ASXL1: variants seen among roughly 807,000 people sequenced by gnomAD.
ASXL1 encodes the protein ASXL transcriptional regulator 1.
ASXL1 carries 65 observed loss-of-function variants against 89.1 expected under a neutral mutation model. That is an observed-to-expected ratio of 0.73 (90% CI 0.60 to 0.90). The LOEUF (loss-of-function observed/expected upper bound fraction) is 0.90, where lower values mean the gene tolerates loss of function less well. Ranked by LOEUF, ASXL1 falls within the 40% of genes least tolerant of loss-of-function variation. The pLI is 0.00. For synonymous variants in ASXL1, 739 were observed against 746.9 expected, an observed-to-expected ratio of 0.99 and a Z score of 0.17; for missense variants, 1,786 against 1,942.9, an observed-to-expected ratio of 0.92 and a Z score of 1.52.
chr20:32,374,383 G>T (rs3903368), intron 4 of ASXL1, among the ~76,000 whole-genome samples: 30,926 of 151,898 alleles, frequency 0.2, 3,493 homozygotes, highest in African/African-American at 0.3. Flanking sequence ...AACCTTGAGC[G>T]CCTGGGCTTA....
chr20:32,438,064 G>A lies in ASXL1; in HGVS notation c.*726G>A, dbSNP rs1051967873. The A allele has an allele frequency of 1.7e-5, 4 of 233,474 alleles. No individual in the cohort carries two copies. The highest frequency in any genetic ancestry group is 2.5e-5 in the Non-Finnish European group (3 of 118,234). 14.5% of individuals were successfully genotyped at this position (233,474 alleles called of 1,614,324 possible). ...CATCTGTAGACCTTGTGAGTCAGCC[G>A]TCCAGATGTTTGCAGGTGAATTCCT... On this transcript the variant is annotated 3_prime_UTR_variant, in exon 13 of 13. Transcript: ENST00000375687.
chr20:32,379,564 G>A (rs1396060500), intron 4 of ASXL1, among the ~76,000 whole-genome samples: 5 of 151,430 alleles, frequency 3.3e-5, no homozygotes, highest in African/African-American at 1.2e-4. Flanking sequence ...GGTGGGTCAC[G>A]CCTGTAATCC....
At chr20:32,381,956 CTTTTT>C (rs11482197) in intron 4 of ASXL1, among the ~76,000 whole-genome samples, 1 of 113,698 alleles carries the variant, frequency 8.8e-6, no homozygotes, top group Non-Finnish European at 1.8e-5. Context: ...TTTTTCTTGC[CTTTTT>C]TTTTTTTTTT....
At chr20:32,377,034 T>C (rs908549783) in intron 4 of ASXL1, among the ~76,000 whole-genome samples, 3 of 139,944 alleles carry the variant, frequency 2.1e-5, no homozygotes, top group Non-Finnish European at 3.1e-5. Flanking sequence ...TCAGGTGATA[T>C]AATATACAAC....
chr20:32,388,796 C>T (rs2048622549), intron 4 of ASXL1, among the ~76,000 whole-genome samples: 1 of 151,840 alleles, frequency 6.6e-6, no homozygotes. Context: ...ATTATTCATT[C>T]TTTTTGGTAG....
Position 32,432,876 on chromosome 20 carries a change from C to T in ASXL1, c.980-4C>T. The T allele has an allele frequency of 2.5e-6, 4 of 1,613,604 alleles. No homozygotes were observed. Among genetic ancestry groups the T allele is most frequent in the East Asian group, 2.2e-5 (1 of 44,870 alleles). On this transcript the variant is annotated splice_polypyrimidine_tract_variant and splice_region_variant and intron_variant, in intron 10 of 12. Coordinates refer to ENST00000375687, the MANE Select transcript of ASXL1 (RefSeq NM_015338.6). ...CTTACTAGAAGAGGTTTATTTCTCC[C>T]TAGGTGAATTTACTCATGAGATGCA...
At position 32,367,038 on chromosome 20, in the gene ASXL1, A is replaced by G. The variant is rs534502821; in HGVS notation, c.140+572A>G. Among the ~76,000 whole-genome samples, 13 of 150,804 alleles carry G rather than the reference A, an allele frequency of 8.6e-5. No homozygotes were observed. The South Asian group carries it at 2.5e-3, about 29-fold the overall frequency. On this transcript the variant is annotated intron_variant, in intron 2 of 12. Transcript: ENST00000375687. Reference sequence around the variant, plus strand: ...ATTTGCAGGCTTGAAAGCCAGGACTATCTTTCATCTTTCTTTTTCCTCATC... The same window carrying G: ...ATTTGCAGGCTTGAAAGCCAGGACTGTCTTTCATCTTTCTTTTTCCTCATC...
At position 32,433,387 on chromosome 20, in the gene ASXL1, C is replaced by A. The variant is rs369058266; in HGVS notation, c.1189C>A (p.Arg397Ser). The A allele has an allele frequency of 6.2e-7, 1 of 1,614,184 alleles. No homozygotes were observed. Among genetic ancestry groups the A allele is most frequent in the Non-Finnish European group, 8.5e-7 (1 of 1,180,044 alleles). The change falls in exon 12 of 13, where the codon CGT (arginine) becomes AGT (serine). Residue 397 changes from arginine (R) to serine (S), a missense_variant. Coordinates refer to ENST00000375687, the MANE Select transcript of ASXL1 (RefSeq NM_015338.6). The stretch of plus-strand genomic sequence containing the variant: ...CCCAGGAGAATCAGTGCGTATACAG[C>A]GTGGTCCAGCCACCCGACAGCGAGA... ...CVPGESVRIQ[R>S]GPATRQRDGH...
chr20:32,387,228 C>A (rs1357945453), intron 4 of ASXL1, among the ~76,000 whole-genome samples: 1 of 152,104 alleles, frequency 6.6e-6, no homozygotes, highest in African/African-American at 2.4e-5. Flanking sequence ...ATCACTGGAA[C>A]TGGGAGACAG....
chr20:32,378,127 C>G (rs1385901464), intron 4 of ASXL1, among the ~76,000 whole-genome samples: 1 of 141,888 alleles, frequency 7.0e-6, no homozygotes, highest in Non-Finnish European at 1.5e-5. Context: ...GTAGTTGGGA[C>G]TACAGGTGCG....
chr20:32,436,571 A>G lies in ASXL1; in HGVS notation c.3859A>G (p.Thr1287Ala). The G allele has an allele frequency of 6.2e-7, 1 of 1,614,188 alleles. No individual in the cohort carries two copies. Among genetic ancestry groups the G allele is most frequent in the Non-Finnish European group, 8.5e-7 (1 of 1,180,030 alleles). The change falls in exon 13 of 13, where the codon ACA becomes GCA. Residue 1287 changes from threonine to alanine, a missense_variant. Thr to Ala is a moderately conservative substitution (Grantham distance 58). Coordinates refer to ENST00000375687, the MANE Select transcript of ASXL1 (RefSeq NM_015338.6). Reference protein sequence around the residue: ...PNVISFGPEQTGRALGDQSNV... With the variant: ...PNVISFGPEQAGRALGDQSNV... ...TGTGATCTCCTTTGGTCCAGAGCAG[A>G]CAGGTCGGGCCCTGGGTGATCAGAG...
At chr20:32,387,916 G>T (rs1459332841) in intron 4 of ASXL1, among the ~76,000 whole-genome samples, 1 of 152,150 alleles carries the variant, frequency 6.6e-6, no homozygotes, top group Non-Finnish European at 1.5e-5. Flanking sequence ...AAATTAGTGG[G>T]AACTCCATTT....
At chr20:32,389,608 CAG>C (rs1349340018) in intron 4 of ASXL1, among the ~76,000 whole-genome samples, 1 of 152,072 alleles carries the variant, frequency 6.6e-6, no homozygotes, top group African/African-American at 2.4e-5. Context: ...TTTTCTGAAA[CAG>C]AGTCTCGCTC....
At chr20:32,395,458 T>G (rs1448123901) in intron 4 of ASXL1, among the ~76,000 whole-genome samples, 1 of 152,220 alleles carries the variant, frequency 6.6e-6, no homozygotes, top group Non-Finnish European at 1.5e-5. Context: ...TATCACTGCT[T>G]TTTCAGCAAT....
intron 4 of ASXL1, among the ~76,000 whole-genome samples, chr20:32,392,580 TGGGAGGCTGAGGCGGGTAGCC>T (rs2048692245): frequency 6.7e-6 from 1 of 149,324 alleles, no homozygotes; most frequent in African/African-American, 2.4e-5. Flanking sequence ...ACGCCTGTGC[TGGGAGGCTGAGGCGGGTAGCC>T]ACTGCTCCCA....
At chr20:32,405,763 GCA>G (rs2048943839) in intron 4 of ASXL1, among the ~76,000 whole-genome samples, 1 of 152,146 alleles carries the variant, frequency 6.6e-6, no homozygotes, top group Non-Finnish European at 1.5e-5. Context: ...GTCAGGTATA[GCA>G]GAGAAGTGAT....
At chr20:32,359,667 C>G in intron 1 of ASXL1, 1 of 717,498 alleles carries the variant, frequency 1.4e-6, no homozygotes, top group African/African-American at 1.7e-5. Flanking sequence ...GACAAAGTAT[C>G]TCTGTTGGGA....
At chr20:32,394,290 C>G (rs2048724059) in intron 4 of ASXL1, among the ~76,000 whole-genome samples, 1 of 152,216 alleles carries the variant, frequency 6.6e-6, no homozygotes, top group African/African-American at 2.4e-5. Flanking sequence ...GCGTGAGCCA[C>G]CGTGCCTGGC....
chr20:32,363,972 C>T (rs1046562716), intron 1 of ASXL1, among the ~76,000 whole-genome samples: 11 of 152,202 alleles, frequency 7.2e-5, no homozygotes, highest in Non-Finnish European at 1.0e-4. Context: ...TACTCTGTGC[C>T]AGACATTGTA....
Sources: gnomAD v4.1 joint callset for allele counts (sites outside exome capture counted in the v4.1 genomes callset) on GRCh38, gnomAD v4.1.1 for gene constraint, MANE v1.5 for transcripts, NCBI Gene and HGNC (gene_info 2026-07-23, HGNC 2026-07-21) for gene names.